The following RDH10 variants were observed in gnomAD, a reference collection of about 807,000 sequenced individuals.
The protein encoded by RDH10 is retinol dehydrogenase 10.
RDH10 carries 12 observed loss-of-function variants against 30.2 expected under a neutral mutation model. The ratio of observed to expected loss-of-function variants is 0.40; its 90% CI spans 0.25 to 0.64. RDH10 has a LOEUF of 0.64. Among genes scored for constraint, RDH10 ranks in the 30% least tolerant of loss-of-function variants. The pLI is 0.43. For synonymous variants in RDH10, 189 were observed against 172.2 expected, an observed-to-expected ratio of 1.10 and a Z score of -0.76; for missense variants, 268 against 445.2, an observed-to-expected ratio of 0.60 and a Z score of 3.58.
chr8:73,320,481 T>G (rs57286258), intron 3 of RDH10, among the ~76,000 whole-genome samples: 1,695 of 110,050 alleles, frequency 0.015, 19 homozygotes, highest in African/African-American at 0.054. Flanking sequence ...TTTTGTTTTT[T>G]TTTTTTTGAG....
At position 73,295,777 on chromosome 8, in the gene RDH10, G is replaced by A. The variant is rs560799749; in HGVS notation, c.289+199G>A. ...ACTTCTGTATTACCAGGGAGAAGGT[G>A]CCCTGTCCTCGCGGAGGTTCGGTCT... On this transcript the variant is annotated intron_variant, in intron 1 of 5. Transcript: ENST00000240285. 832 of 959,758 alleles carry A rather than the reference G, an allele frequency of 8.7e-4. 1 individual carries two copies. Among genetic ancestry groups the A allele is most frequent in the Non-Finnish European group, 1.1e-3 (757 of 707,934 alleles). 59.5% of individuals were successfully genotyped at this position (959,758 alleles called of 1,614,324 possible).
At chr8:73,307,102 G>C (rs1814477497) in intron 2 of RDH10, among the ~76,000 whole-genome samples, 1 of 152,184 alleles carries the variant, frequency 6.6e-6, no homozygotes, top group Non-Finnish European at 1.5e-5. Context: ...TTTTTATTAT[G>C]TTTGCTGGAC....
Position 73,319,118 on chromosome 8 carries a change from C to T in RDH10, c.548C>T (p.Thr183Met), listed in dbSNP as rs762042478. ...CAGACCACTAAGGCTTTTCTTCCTA[C>T]GATGCTGGAGATTAATCATGGTCAT... Reference protein sequence around the residue: ...HFWTTKAFLPTMLEINHGHIV... With the variant: ...HFWTTKAFLPMMLEINHGHIV... Residue 183 changes from threonine to methionine, a missense_variant, in exon 3 of 6, where the codon ACG becomes ATG. Around this residue, in one of 4 missense-constraint regions of RDH10, gnomAD observed 136 missense variants for 288.8 expected, o/e 0.47. Transcript: ENST00000240285. 8 of 1,612,486 alleles carry T rather than the reference C, an allele frequency of 5.0e-6. No individual in the cohort carries two copies. Among genetic ancestry groups the T allele is most frequent in the Non-Finnish European group, 1.7e-6 (2 of 1,178,838 alleles).
intron 2 of RDH10, among the ~76,000 whole-genome samples, chr8:73,306,653 A>G (rs1814467175): frequency 6.6e-6 from 1 of 152,224 alleles, no homozygotes; most frequent in Non-Finnish European, 1.5e-5. Flanking sequence ...TTGGAAACAA[A>G]ACATTACTTG....
At chr8:73,303,110 A>C (rs1256525413) in intron 2 of RDH10, among the ~76,000 whole-genome samples, 2 of 151,796 alleles carry the variant, frequency 1.3e-5, no homozygotes, top group African/African-American at 2.4e-5. Flanking sequence ...TTAAAATACT[A>C]ATTACTGAAT....
At chr8:73,315,747 C>T (rs1282304816) in intron 2 of RDH10, 1 of 274,718 alleles carries the variant, frequency 3.6e-6, no homozygotes, top group East Asian at 8.6e-5. Context: ...GTCAGGTAAC[C>T]AAGTAGCAGG....
At position 73,324,904 on chromosome 8, in the gene RDH10, CTGTTA is replaced by C. The variant is rs1475814969; in HGVS notation, c.*1870_*1874del. On this transcript the variant is annotated 3_prime_UTR_variant, in exon 6 of 6. Coordinates refer to ENST00000240285, the MANE Select transcript of RDH10 (RefSeq NM_172037.5). ...CCAATGCAGGACTTGAGGAAGAGCT[CTGTTA>C]TATGTTTCCATTTCTCTTTATCAAA... is the stretch of plus-strand genomic sequence containing the variant. The C allele has an allele frequency of 1.3e-5, 2 of 152,204 alleles. No homozygotes were observed. Among genetic ancestry groups the C allele is most frequent in the African/African-American group, 4.8e-5 (2 of 41,446 alleles). 9.4% of individuals were successfully genotyped at this position (152,204 alleles called of 1,614,324 possible).
At chr8:73,314,730 C>A (rs1193563893) in intron 2 of RDH10, among the ~76,000 whole-genome samples, 3 of 152,186 alleles carry the variant, frequency 2.0e-5, no homozygotes, top group Non-Finnish European at 4.4e-5. Flanking sequence ...CCGCGCAGCT[C>A]TTTGGTGGTT....
rs893631949 is a variant in RDH10, at chr8:73,320,840, C to G, written c.625-92C>G. ...ACCTGTAACCTTATGTATTAGACAT[C>G]TAAACATGGTAATAGGACCAGGGAA... On this transcript the variant is annotated intron_variant, in intron 3 of 5. Coordinates refer to ENST00000240285, the MANE Select transcript of RDH10 (RefSeq NM_172037.5). 7 of 1,261,552 alleles carry G rather than the reference C, an allele frequency of 5.5e-6. No individual in the cohort carries two copies. The African/African-American group carries it at 1.0e-4, about 19-fold the overall frequency. 78.1% of individuals were successfully genotyped at this position (1,261,552 alleles called of 1,614,324 possible).
intron 2 of RDH10, among the ~76,000 whole-genome samples, chr8:73,299,075 A>G (rs1343276110): frequency 6.6e-6 from 1 of 152,206 alleles, no homozygotes; most frequent in Non-Finnish European, 1.5e-5. Flanking sequence ...CAGTGTCCCA[A>G]AGTGCTAGGG....
chr8:73,322,612 G>C (rs1814790300), intron 4 of RDH10, 67 bp from the exon 5 acceptor site: 6 of 1,281,294 alleles, frequency 4.7e-6, no homozygotes, highest in Non-Finnish European at 6.7e-6. Flanking sequence ...TTAATGTTTT[G>C]ATATGTATTT....
chr8:73,295,916 T>TA (rs1814255312), intron 1 of RDH10: 5 of 998,870 alleles, frequency 5.0e-6, no homozygotes, highest in South Asian at 3.7e-5. Flanking sequence ...TGCTCCGACT[T>TA]ACAAGCGGCG....
intron 2 of RDH10, among the ~76,000 whole-genome samples, chr8:73,307,476 G>A (rs1814483506): frequency 6.6e-6 from 1 of 152,166 alleles, no homozygotes; most frequent in Non-Finnish European, 1.5e-5. Flanking sequence ...AATGAGCCTT[G>A]TGTACTAAAT....
intron 3 of RDH10, 146 bp from the exon 4 acceptor site, chr8:73,320,786 T>TA: frequency 1.3e-6 from 1 of 762,612 alleles, no homozygotes; most frequent in South Asian, 2.1e-5. Flanking sequence ...ATCTGTCTTT[T>TA]AAAATGATTT....
At chr8:73,308,831 T>G (rs112869690) in intron 2 of RDH10, among the ~76,000 whole-genome samples, 2 of 152,276 alleles carry the variant, frequency 1.3e-5, no homozygotes, top group African/African-American at 4.8e-5. Context: ...ATTGCCTGTT[T>G]CACTGAACTC....
chr8:73,296,368 G>A (rs990164766), intron 1 of RDH10, among the ~76,000 whole-genome samples: 4 of 152,002 alleles, frequency 2.6e-5, no homozygotes, highest in African/African-American at 7.3e-5. Flanking sequence ...CCTGTACGGA[G>A]AAAATTGACT....
At chr8:73,313,964 G>A (rs964227124) in intron 2 of RDH10, among the ~76,000 whole-genome samples, 2 of 152,120 alleles carry the variant, frequency 1.3e-5, no homozygotes, top group Non-Finnish European at 2.9e-5. Context: ...CAAATTATCT[G>A]TGCTGCCCTC....
rs1211208782 is a variant in RDH10 at position 73,323,977 on chromosome 8, AC to A, written c.*942del. ...GAATTTTTAATTTTATCTCTGATAT[AC>A]TTCATTAAGTGTCTGGAGACCTAAT... On this transcript the variant is annotated 3_prime_UTR_variant, in exon 6 of 6. Transcript: ENST00000240285. 6.6e-5 allele frequency: 10 copies of A among 152,516 alleles called. No individual in the cohort carries two copies. The highest frequency in any genetic ancestry group is 1.5e-4 in the Non-Finnish European group (10 of 68,042). The allele number at this position is 152,516 out of a possible 1,614,324, so 9.4% of individuals were successfully genotyped here.
chr8:73,320,427 G>A (rs1814745026), intron 3 of RDH10, among the ~76,000 whole-genome samples: 1 of 151,236 alleles, frequency 6.6e-6, no homozygotes. Flanking sequence ...ACCACATCAG[G>A]TATCTGGTTT....
Sources: allele counts gnomAD v4.1 joint callset (sites outside exome capture counted in the v4.1 genomes callset), GRCh38; gene constraint gnomAD v4.1.1; regional missense constraint gnomAD v4.1.1; transcripts MANE v1.5; gene names NCBI Gene and HGNC (gene_info 2026-07-23, HGNC 2026-07-21).